Variants in SCNN1B observed in about 807,000 individuals in gnomAD.
The protein encoded by SCNN1B is epithelial sodium channel subunit beta.
A neutral mutation model predicts 65.3 loss-of-function variants in SCNN1B; 46 were observed. The ratio of observed to expected loss-of-function variants is 0.70; its 90% confidence interval spans 0.56 to 0.90. The LOEUF is 0.90. Ranked by LOEUF, SCNN1B falls within the 40% of genes least tolerant of loss-of-function variation. The probability of loss-of-function intolerance (pLI) is 0.00; values close to 1 mark genes in which losing one functional copy is unlikely to be tolerated. For synonymous variants in SCNN1B, 349 were observed against 330.6 expected (o/e 1.06, Z -0.60); for missense variants, 751 against 830.5 (o/e 0.90, Z 1.18).
chr16:23,313,098 T>C (rs929909384), intron 1 of SCNN1B, among the ~76,000 whole-genome samples: 3 of 151,704 alleles, frequency 2.0e-5, no homozygotes, highest in Non-Finnish European at 1.5e-5. Context: ...TGTTTACTGC[T>C]ATTGTCCAAA....
At chr16:23,378,879 C>A (rs1473304686) in intron 11 of SCNN1B, 112 bp downstream of exon 11, 3 of 1,041,790 alleles carry the variant, frequency 2.9e-6, no homozygotes, top group Non-Finnish European at 4.4e-6. Flanking sequence ...TGGGTCAGAC[C>A]GAGGAGCAAG....
intron 4 of SCNN1B, 32 bp from the exon 5 acceptor site, chr16:23,367,824 A>G: frequency 1.3e-6 from 2 of 1,550,948 alleles, no homozygotes; most frequent in South Asian, 1.1e-5. Flanking sequence ...CTGTGGTGGA[A>G]CCTGCCCTGC....
intron 2 of SCNN1B, among the ~76,000 whole-genome samples, chr16:23,287,932 A>G (rs1960873257): frequency 6.8e-6 from 1 of 146,886 alleles, no homozygotes; most frequent in Admixed American, 6.9e-5. Flanking sequence ...AGGTAGGCTG[A>G]TTGCTTGAGC....
chr16:23,325,758 A>G (rs967430461), intron 1 of SCNN1B, among the ~76,000 whole-genome samples: 2 of 152,000 alleles, frequency 1.3e-5, no homozygotes, highest in African/African-American at 4.8e-5. Flanking sequence ...TTGTACCTAA[A>G]TTCAAGGAAG....
chr16:23,352,676 C>A, intron 2 of SCNN1B, 125 bp from the exon 3 acceptor site: 2 of 1,042,608 alleles, frequency 1.9e-6, no homozygotes, highest in Non-Finnish European at 3.0e-6. Context: ...TATAAATTAC[C>A]CAGTCTCAGG....
At chr16:23,308,295 A>G (rs754959374) in intron 1 of SCNN1B, among the ~76,000 whole-genome samples, 3 of 152,174 alleles carry the variant, frequency 2.0e-5, no homozygotes, top group Non-Finnish European at 4.4e-5. Flanking sequence ...GGCTGAGGTG[A>G]GAGGATCAAT....
chr16:23,371,780 A>T lies in SCNN1B; in HGVS notation c.1049A>T (p.Lys350Met), dbSNP rs1015247952. The part of the protein sequence containing the change: ...TETSIGVLVD[K>M]LQRMGEPYSP... ...AAGCAACCCCTCTAAACACAGGACA[A>T]GCTTCAGCGCATGGGGGAGCCCTAC... Residue 350 changes from lysine (K) to methionine (M), a missense_variant, in exon 7 of 13, where the codon AAG becomes ATG. Lys to Met is a moderately conservative substitution (Grantham distance 95, BLOSUM62 -1). Coordinates refer to ENST00000343070, the MANE Select transcript of SCNN1B (RefSeq NM_000336.3). 3 of 1,613,812 alleles carry T rather than the reference A, an allele frequency of 1.9e-6. No homozygotes were observed. In the African/African-American group the frequency reaches 4.0e-5, roughly 22 times the overall value.
chr16:23,353,174 C>A, intron 3 of SCNN1B, 100 bp downstream of exon 3: 3 of 1,370,732 alleles, frequency 2.2e-6, no homozygotes, highest in South Asian at 2.3e-5. Context: ...GGGGGAAAGA[C>A]AAGATGGAAG....
chr16:23,333,708 G>T (rs1046135065), intron 1 of SCNN1B, among the ~76,000 whole-genome samples: 1 of 152,170 alleles, frequency 6.6e-6, no homozygotes, highest in Non-Finnish European at 1.5e-5. Flanking sequence ...GCAATGGCTC[G>T]CACTTGTAAT....
chr16:23,372,846 T>A (rs990502890), intron 7 of SCNN1B, among the ~76,000 whole-genome samples: 4 of 148,764 alleles, frequency 2.7e-5, no homozygotes, highest in Non-Finnish European at 5.9e-5. Flanking sequence ...ACGCCTGTAA[T>A]CCCAGCACTT....
At chr16:23,299,052 T>G (rs1032821415), upstream of SCNN1B, among the ~76,000 whole-genome samples, 22 of 151,336 alleles carry the variant, frequency 1.5e-4, no homozygotes, top group African/African-American at 5.3e-4. Context: ...TTTTGCTTTT[T>G]CTTTTTCTTT....
intron 1 of SCNN1B, among the ~76,000 whole-genome samples, chr16:23,329,893 G>C (rs988855569): frequency 1.1e-4 from 16 of 152,082 alleles, no homozygotes; most frequent in Admixed American, 3.3e-4. Flanking sequence ...GGGTGTGGTG[G>C]CATGTGCCTG....
chr16:23,311,459 G>A (rs750050355), intron 1 of SCNN1B, among the ~76,000 whole-genome samples: 8 of 152,206 alleles, frequency 5.3e-5, no homozygotes, highest in African/African-American at 1.4e-4. Flanking sequence ...CTCACCCACC[G>A]GCTGATTCTT....
intron 1 of SCNN1B, among the ~76,000 whole-genome samples, chr16:23,308,291 G>A (rs1394270953): frequency 2.6e-5 from 4 of 152,200 alleles, no homozygotes; most frequent in African/African-American, 7.2e-5. Context: ...GAGAGGCTGA[G>A]GTGAGAGGAT....
chr16:23,370,388 G>C (rs1329538523), intron 5 of SCNN1B, among the ~76,000 whole-genome samples: 2 of 152,174 alleles, frequency 1.3e-5, no homozygotes, highest in East Asian at 3.9e-4. Context: ...TTACAGGTGT[G>C]AGCCACTGTG....
chr16:23,342,875 A>T (rs1297296509), intron 1 of SCNN1B, among the ~76,000 whole-genome samples: 1 of 152,182 alleles, frequency 6.6e-6, no homozygotes, highest in African/African-American at 2.4e-5. Context: ...GGAATGAGAA[A>T]TAACTTCTAA....
chr16:23,375,763 A>C lies in SCNN1B; in HGVS notation c.1178A>C (p.Asp393Ala). ...GCCTGTCTTCGCTCCTGCTTCCAAGACCACATGATCCGTAACTGCAACTGT... is the reference window on the plus strand; with the variant it reads ...GCCTGTCTTCGCTCCTGCTTCCAAGCCCACATGATCCGTAACTGCAACTGT... ...IQACLRSCFQDHMIRNCNCGH... is the reference protein window; with the variant it reads ...IQACLRSCFQAHMIRNCNCGH... Residue 393 changes from aspartate (D) to alanine (A), a missense_variant, in exon 8 of 13, where the codon GAC (aspartate) becomes GCC (alanine). Asp to Ala is a moderately radical substitution (Grantham distance 126). Coordinates refer to ENST00000343070, the MANE Select transcript of SCNN1B (RefSeq NM_000336.3). The C allele has an allele frequency of 1.2e-6, 2 of 1,613,926 alleles. No homozygotes were observed. Among genetic ancestry groups the C allele is most frequent in the Non-Finnish European group, 1.7e-6 (2 of 1,179,900 alleles).
chr16:23,308,010 AC>A (rs1352917421), intron 1 of SCNN1B, among the ~76,000 whole-genome samples: 2 of 151,964 alleles, frequency 1.3e-5, no homozygotes, highest in East Asian at 3.9e-4. Context: ...ATCTGATTGC[AC>A]CCCAGCCTGG....
In SCNN1B at chr16:23,360,205, T is replaced by A. The variant is rs796454158; in HGVS notation, c.776+4716T>A. Among the ~76,000 whole-genome samples, 47 of 132,496 alleles carry A rather than the reference T, an allele frequency of 3.5e-4. No individual in the cohort carries two copies. The East Asian group carries it at 5.8e-3, about 16-fold the overall frequency. 86.9% of individuals were successfully genotyped at this position (132,496 alleles called of 152,430 possible). A position where few individuals can be genotyped will look rare whatever the true frequency, so the allele number is the denominator to read the frequency against. On this transcript the variant is annotated intron_variant, in intron 4 of 12. Coordinates refer to ENST00000343070, the MANE Select transcript of SCNN1B (RefSeq NM_000336.3). ...AGAGCGAGACTCCATCTCAAAAAAATAAATAAATAAATAAATAAATAAACA... is the reference window on the plus strand; with the variant it reads ...AGAGCGAGACTCCATCTCAAAAAAAAAAATAAATAAATAAATAAATAAACA...
Sources: gnomAD v4.1 joint callset for allele counts (sites outside exome capture counted in the v4.1 genomes callset) on GRCh38, gnomAD v4.1.1 for gene constraint, MANE v1.5 for transcripts, NCBI Gene and HGNC (gene_info 2026-07-23, HGNC 2026-07-21) for gene names.